The following WDFY4 variants were observed in gnomAD, a reference collection of about 807,000 sequenced individuals.
WDFY4 encodes the protein WDFY family member 4.
WDFY4 carries 169 observed loss-of-function variants against 351.9 expected under a neutral mutation model. The observed-to-expected ratio is 0.48, with a 90% CI of 0.42 to 0.55. The LOEUF is 0.55. Among genes scored for constraint, WDFY4 ranks in the 20% least tolerant of loss-of-function variants. The pLI is 0.00. For missense variants in WDFY4, 3,803 were observed against 3,935.6 expected, an observed-to-expected ratio of 0.97 and a Z score of 0.90; for synonymous variants, 1,622 against 1,574.6, an observed-to-expected ratio of 1.03 and a Z score of -0.71.
chr10:48,944,193 C>CA (rs1440223994), intron 49 of WDFY4, among the ~76,000 whole-genome samples: 21 of 152,178 alleles, frequency 1.4e-4, no homozygotes, highest in African/African-American at 5.1e-4. Flanking sequence ...GGGATACAGA[C>CA]ACACAGAAAG....
At chr10:48,772,712 A>G (rs1219929004) in intron 13 of WDFY4, among the ~76,000 whole-genome samples, 1 of 129,558 alleles carries the variant, frequency 7.7e-6, no homozygotes, top group Non-Finnish European at 1.6e-5. Context: ...CCACCCCACC[A>G]CAGTCCCCAG....
intron 39 of WDFY4, among the ~76,000 whole-genome samples, chr10:48,835,579 G>C (rs74130667): frequency 8.9e-4 from 136 of 152,342 alleles, no homozygotes; most frequent in African/African-American, 3.0e-3. Flanking sequence ...AGCAACTCAA[G>C]AAGAGCAGAA....
intron 23 of WDFY4, among the ~76,000 whole-genome samples, chr10:48,794,249 C>T (rs182861095): frequency 1.1e-4 from 16 of 152,096 alleles, no homozygotes; most frequent in Non-Finnish European, 1.3e-4. Flanking sequence ...GAGGTTCAAG[C>T]AGGGGCTGAG....
At chr10:48,963,789 G>A in intron 53 of WDFY4, 53 bp from the exon 54 acceptor site, 8 of 1,516,056 alleles carry the variant, frequency 5.3e-6, no homozygotes, top group Non-Finnish European at 7.2e-6. Flanking sequence ...TGCAGCGAGT[G>A]CATGAGTCCA....
At chr10:48,806,352 G>C (rs2067254864) in intron 27 of WDFY4, among the ~76,000 whole-genome samples, 1 of 152,194 alleles carries the variant, frequency 6.6e-6, no homozygotes, top group Non-Finnish European at 1.5e-5. Context: ...CTGTAGACCA[G>C]CATGTGGGAT....
At chr10:48,944,994 C>T (rs1328996685) in intron 49 of WDFY4, among the ~76,000 whole-genome samples, 1 of 152,128 alleles carries the variant, frequency 6.6e-6, no homozygotes, top group Non-Finnish European at 1.5e-5. Context: ...TCACTCTTGC[C>T]CCTGCTTCTC....
At chr10:48,733,110 G>A (rs1214387179) in intron 9 of WDFY4, among the ~76,000 whole-genome samples, 1 of 152,210 alleles carries the variant, frequency 6.6e-6, no homozygotes, top group African/African-American at 2.4e-5. Context: ...TCTTATCTTA[G>A]CTGGTATTTC....
intron 47 of WDFY4, among the ~76,000 whole-genome samples, chr10:48,923,520 A>ATATATATATATATAT (rs1839305652): frequency 1.0e-5 from 1 of 99,716 alleles, no homozygotes; most frequent in Non-Finnish European, 2.3e-5. Flanking sequence ...ATATGTCCCA[A>ATATATATATATATAT]ATACCGCATA....
intron 53 of WDFY4, among the ~76,000 whole-genome samples, chr10:48,961,828 G>A (rs1277067889): frequency 1.3e-5 from 2 of 152,038 alleles, no homozygotes; most frequent in Non-Finnish European, 2.9e-5. Context: ...CAGATCTTTT[G>A]TGATTTTTTT....
intron 39 of WDFY4, among the ~76,000 whole-genome samples, chr10:48,856,993 A>G (rs988401083): frequency 6.6e-6 from 1 of 152,212 alleles, no homozygotes; most frequent in East Asian, 1.9e-4. Context: ...TTGGCAGCAA[A>G]TACTGTCAGT....
chr10:48,787,807 C>CTCCT (rs796166984), intron 20 of WDFY4, among the ~76,000 whole-genome samples: 1 of 76,682 alleles, frequency 1.3e-5, no homozygotes, highest in Non-Finnish European at 2.4e-5. Context: ...CCTCCTCCTC[C>CTCCT]TCTTCTTCTT....
At chr10:48,687,591 C>CATTTATTTAAT (rs1190451076) in intron 1 of WDFY4, among the ~76,000 whole-genome samples, 1 of 149,042 alleles carries the variant, frequency 6.7e-6, no homozygotes, top group East Asian at 1.9e-4. Flanking sequence ...GTCTTGGCAC[C>CATTTATTTAAT]ATTTATTTAA....
chr10:48,873,100 T>C (rs1458301586), intron 40 of WDFY4, among the ~76,000 whole-genome samples: 1 of 152,234 alleles, frequency 6.6e-6, no homozygotes, highest in Non-Finnish European at 1.5e-5. Flanking sequence ...TGGAAAAAAG[T>C]ACATTCAGCT....
At position 48,856,701 on chromosome 10, in the gene WDFY4, A is replaced by G. The variant is rs143516868; in HGVS notation, c.6664-10564A>G. Among the ~76,000 whole-genome samples, 424 of 152,282 alleles carry G rather than the reference A, an allele frequency of 2.8e-3. 2 individuals carry two copies. Among genetic ancestry groups the G allele is most frequent in the Non-Finnish European group, 4.3e-3 (291 of 67,988 alleles). Reference sequence around the variant, plus strand: ...GTTAAAATGTGTTGATCTATCTTGCACTTTGAGTGACTATTTTAAGCCATA... The same window carrying G: ...GTTAAAATGTGTTGATCTATCTTGCGCTTTGAGTGACTATTTTAAGCCATA... On this transcript the variant is annotated intron_variant, in intron 39 of 61. Transcript: ENST00000325239.
intron 57 of WDFY4, 137 bp downstream of exon 57, chr10:48,970,426 C>T: frequency 1.6e-6 from 2 of 1,232,984 alleles, no homozygotes; most frequent in Non-Finnish European, 2.2e-6. Context: ...AGGGCCCTGC[C>T]ACCCTCAGAA....
At chr10:48,759,403 C>G (rs1365612120) in intron 12 of WDFY4, among the ~76,000 whole-genome samples, 4 of 152,162 alleles carry the variant, frequency 2.6e-5, no homozygotes. Context: ...CCCTGTGTCA[C>G]TGGTATCTGT....
intron 26 of WDFY4, 26 bp from the exon 27 acceptor site, chr10:48,805,978 C>T: frequency 6.5e-7 from 1 of 1,550,338 alleles, no homozygotes; most frequent in Non-Finnish European, 8.7e-7. Context: ...GCCTGCGAGC[C>T]TGTCCTTCTC....
chr10:48,897,562 C>T lies in WDFY4; in HGVS notation c.7425C>T (p.Arg2475=). 1.3e-6 allele frequency: 2 copies of T among 1,547,518 alleles called. No individual in the cohort carries two copies. Among genetic ancestry groups the T allele is most frequent in the Non-Finnish European group, 1.7e-6 (2 of 1,146,932 alleles). Residue 2475 remains arginine (R), a synonymous_variant, in exon 45 of 62, where the codon CGC becomes CGT. Coordinates refer to ENST00000325239, the MANE Select transcript of WDFY4 (RefSeq NM_001394531.1). The part of the protein sequence containing the change: ...YADMRELRQA[R]FLLQDIALEI... ...ACATGCGGGAGCTACGGCAGGCTCG[C>T]TTCCTCCTGCAGGTAAGCACACTGG...
intron 52 of WDFY4, among the ~76,000 whole-genome samples, chr10:48,957,521 G>A (rs914616809): frequency 4.6e-5 from 7 of 152,216 alleles, no homozygotes; most frequent in Non-Finnish European, 1.0e-4. Flanking sequence ...CTTTTCCTCC[G>A]AGGGTCCCAG....
Sources: allele counts gnomAD v4.1 joint callset (sites outside exome capture counted in the v4.1 genomes callset), GRCh38; gene constraint gnomAD v4.1.1; transcripts MANE v1.5; gene names NCBI Gene and HGNC (gene_info 2026-07-23, HGNC 2026-07-21).